The following TSPAN7 variants were observed in gnomAD, a reference collection of about 807,000 sequenced individuals.
TSPAN7 encodes the protein tetraspanin 7.
A neutral mutation model predicts 17.6 loss-of-function variants in TSPAN7; 1 was observed. That is an observed-to-expected ratio of 0.06 (90% CI 0.02 to 0.27). The LOEUF is 0.27. TSPAN7 is among the 10% of genes least tolerant of loss of function. The pLI is 1.00. For synonymous variants in TSPAN7, 78 were observed against 79.0 expected, an observed-to-expected ratio of 0.99 and a Z score of 0.07; for missense variants, 112 against 201.7, an observed-to-expected ratio of 0.56 and a Z score of 2.69.
chrX:38,600,755 T>A (rs775032277), intron 1 of TSPAN7, among the ~76,000 whole-genome samples: 2 of 112,333 alleles, frequency 1.8e-5, no homozygotes, highest in African/African-American at 6.4e-5. Flanking sequence ...GATGTTCTTT[T>A]CTTCCAATAA....
chrX:38,568,562 C>T (rs1399097302), intron 1 of TSPAN7, among the ~76,000 whole-genome samples: 1 of 110,767 alleles, frequency 9.0e-6, no homozygotes, highest in Non-Finnish European at 1.9e-5. Context: ...TCCTGCTTTT[C>T]TTCTCTGAAA....
At chrX:38,681,424 C>T (rs2147458116) in intron 6 of TSPAN7, 137 bp downstream of exon 6, 2 of 540,983 alleles carry the variant, frequency 3.7e-6, no homozygotes, top group East Asian at 6.9e-5. Context: ...CATTAGTCCT[C>T]AGGTGATCTG....
chrX:38,587,714 G>A (rs1423713017), intron 1 of TSPAN7, among the ~76,000 whole-genome samples: 2 of 111,234 alleles, frequency 1.8e-5, no homozygotes, highest in East Asian at 5.6e-4. Flanking sequence ...TGGATGATTG[G>A]CTGAGAGGAG....
chrX:38,584,127 G>T (rs1472905303), intron 1 of TSPAN7, among the ~76,000 whole-genome samples: 1 of 107,719 alleles, frequency 9.3e-6, no homozygotes, highest in Non-Finnish European at 1.9e-5. Context: ...CTAATTTTTT[G>T]TATTTTTAGT....
intron 1 of TSPAN7, among the ~76,000 whole-genome samples, chrX:38,627,772 G>GT (rs1168702013): frequency 8.8e-6 from 1 of 113,099 alleles, no homozygotes; most frequent in Non-Finnish European, 1.9e-5. Flanking sequence ...TTTGCCCCTT[G>GT]TGGGGGGATG....
chrX:38,613,063 A>G (rs754658638), intron 1 of TSPAN7, among the ~76,000 whole-genome samples: 49 of 111,975 alleles, frequency 4.4e-4, no homozygotes, highest in African/African-American at 1.6e-3. Context: ...TCATTCTGCA[A>G]CTAACACTCA....
chrX:38,623,600 G>C (rs2069502053), intron 1 of TSPAN7, among the ~76,000 whole-genome samples: 1 of 103,915 alleles, frequency 9.6e-6, no homozygotes, highest in Admixed American at 1.1e-4. Context: ...ACATTATTAG[G>C]TTGGTGCAAA....
At chrX:38,592,881 T>G (rs2069299361) in intron 1 of TSPAN7, among the ~76,000 whole-genome samples, 2 of 111,101 alleles carry the variant, frequency 1.8e-5, no homozygotes, top group Admixed American at 1.9e-4. Flanking sequence ...CTTCATTCCT[T>G]TACATAGACC....
intron 1 of TSPAN7, among the ~76,000 whole-genome samples, chrX:38,640,542 G>A (rs1434117469): frequency 8.9e-6 from 1 of 111,826 alleles, no homozygotes; most frequent in Non-Finnish European, 1.9e-5. Context: ...GAGAAGCCTG[G>A]AAATTTTCTG....
chrX:38,667,151 C>T (rs1377586134), intron 2 of TSPAN7, among the ~76,000 whole-genome samples: 3 of 111,587 alleles, frequency 2.7e-5, no homozygotes, highest in African/African-American at 9.8e-5. Context: ...AGGACTTATG[C>T]AGTGTCAAGT....
chrX:38,656,615 G>A (rs1224967807), intron 1 of TSPAN7, among the ~76,000 whole-genome samples: 1 of 111,944 alleles, frequency 8.9e-6, no homozygotes, highest in East Asian at 2.8e-4. Flanking sequence ...TACAGCTGGT[G>A]CAGATTTCTA....
At chrX:38,627,905 G>T (rs1457894015) in intron 1 of TSPAN7, among the ~76,000 whole-genome samples, 1 of 112,556 alleles carries the variant, frequency 8.9e-6, no homozygotes, top group Non-Finnish European at 1.9e-5. Context: ...TCCTCTGGTG[G>T]CCACAGTAGG....
intron 1 of TSPAN7, among the ~76,000 whole-genome samples, chrX:38,644,774 C>T (rs1050250314): frequency 8.9e-6 from 1 of 112,309 alleles, no homozygotes; most frequent in African/African-American, 3.2e-5. Flanking sequence ...TGATTGAATG[C>T]TTCTGATGTA....
chrX:38,638,755 C>A (rs1020457425), intron 1 of TSPAN7, among the ~76,000 whole-genome samples: 3 of 111,725 alleles, frequency 2.7e-5, no homozygotes, highest in African/African-American at 6.5e-5. Flanking sequence ...AAGGGGTGTA[C>A]TCATGGGCTT....
chrX:38,592,669 A>G (rs1481012632), intron 1 of TSPAN7, among the ~76,000 whole-genome samples: 2 of 110,349 alleles, frequency 1.8e-5, no homozygotes, highest in African/African-American at 6.6e-5. Flanking sequence ...AAATACAGCC[A>G]TTTCTCCATT....
At chrX:38,601,795 C>T (rs758915550) in intron 1 of TSPAN7, among the ~76,000 whole-genome samples, 32 of 111,658 alleles carry the variant, frequency 2.9e-4, no homozygotes, top group Non-Finnish European at 5.7e-4. Flanking sequence ...CTGGGATGGC[C>T]CATCTCTGTT....
chrX:38,673,017 AATGAG>A (rs1644314887), intron 3 of TSPAN7, among the ~76,000 whole-genome samples: 1 of 112,236 alleles, frequency 8.9e-6, no homozygotes, highest in Admixed American at 9.4e-5. Context: ...AGTGTAGCGA[AATGAG>A]ATGACACAGC....
chrX:38,591,642 C>A (rs1320436022), intron 1 of TSPAN7, among the ~76,000 whole-genome samples: 1 of 111,968 alleles, frequency 8.9e-6, no homozygotes, highest in African/African-American at 3.2e-5. Flanking sequence ...GTCTGTTTCT[C>A]CTGACAGTTC....
At chrX:38,667,243 C>T (rs1261724780) in intron 2 of TSPAN7, among the ~76,000 whole-genome samples, 1 of 111,962 alleles carries the variant, frequency 8.9e-6, no homozygotes, top group Non-Finnish European at 1.9e-5. Flanking sequence ...TAAGGGCAGA[C>T]TATTGAAAGG....
Sources: allele counts gnomAD v4.1 joint callset (sites outside exome capture counted in the v4.1 genomes callset), GRCh38; gene constraint gnomAD v4.1.1; transcripts MANE v1.5; gene names NCBI Gene and HGNC (gene_info 2026-07-23, HGNC 2026-07-21).